Variants in TMEM217 observed in about 807,000 individuals in gnomAD.
TMEM217 encodes the protein transmembrane protein 217.
For missense variants in TMEM217, 204 were observed against 248.8 expected (o/e 0.82, Z 1.21); for synonymous variants, 76 against 88.3 (o/e 0.86, Z 0.78).
rs1765195992 is a variant in TMEM217, at chr6:37,248,099, A to G, written c.-12+9469T>C. Among the ~76,000 whole-genome samples the G allele has an allele frequency of 2.6e-5, 4 of 152,016 alleles. 1 individual carries two copies. The South Asian group carries it at 6.2e-4, about 24-fold the overall frequency. On this transcript the variant is annotated intron_variant, in intron 1 of 1. Transcript: ENST00000357219. Reference sequence around the variant, plus strand: ...CCTAGTAAAATCACACTCATCTTTCAAGGCCTTCCTCAGCTTCCCAATCAG... The same window carrying G: ...CCTAGTAAAATCACACTCATCTTTCGAGGCCTTCCTCAGCTTCCCAATCAG...
At chr6:37,251,693 G>A (rs1318584674) in intron 1 of TMEM217, among the ~76,000 whole-genome samples, 3 of 152,196 alleles carry the variant, frequency 2.0e-5, no homozygotes, top group Non-Finnish European at 4.4e-5. Flanking sequence ...TCAGGATCGT[G>A]GTTTCCACTG....
intron 1 of TMEM217, among the ~76,000 whole-genome samples, chr6:37,249,287 T>G (rs1474784023): frequency 6.6e-6 from 1 of 152,126 alleles, no homozygotes; most frequent in Non-Finnish European, 1.5e-5. Context: ...AAGGAAGAAA[T>G]GAATATTTCT....
intron 1 of TMEM217, among the ~76,000 whole-genome samples, chr6:37,229,291 A>T (rs1005122273): frequency 2.7e-5 from 4 of 148,498 alleles, no homozygotes; most frequent in Admixed American, 2.7e-4. Context: ...GTCGCTCTTC[A>T]ACAGGACTTT....
intron 1 of TMEM217, among the ~76,000 whole-genome samples, chr6:37,243,701 C>T (rs564263329): frequency 1.5e-4 from 23 of 152,238 alleles, no homozygotes; most frequent in Admixed American, 1.0e-3. Context: ...TGGGTTCAAG[C>T]GATTCTCCTG....
chr6:37,238,590 C>T (rs1237661905), intron 1 of TMEM217, among the ~76,000 whole-genome samples: 14 of 152,180 alleles, frequency 9.2e-5, no homozygotes, highest in Admixed American at 9.2e-4. Flanking sequence ...TCTAGGAAGA[C>T]TTTTGCCTTT....
chr6:37,215,152 C>A, downstream of TMEM217: 2 of 1,602,448 alleles, frequency 1.2e-6, no homozygotes, highest in Non-Finnish European at 1.7e-6. Context: ...TCCCTTTCTG[C>A]CGCTAGCCAA....
rs181005643 is a variant in TMEM217 at position 37,240,460 on chromosome 6, G to A, written c.-12+17108C>T. 2.7e-3 allele frequency among the ~76,000 whole-genome samples: 415 copies of A among 152,248 alleles called. 3 individuals are homozygous for A. Among genetic ancestry groups the A allele is most frequent in the African/African-American group, 9.6e-3 (397 of 41,526 alleles). On this transcript the variant is annotated intron_variant, in intron 1 of 1. Coordinates refer to ENST00000357219, the Ensembl canonical transcript of TMEM217. ...CTATAGTCCACTTGAATTTCCTCAT[G>A]ACATGGCCACTGGCTTCCCCCAGAG...
intron 1 of TMEM217, among the ~76,000 whole-genome samples, chr6:37,243,125 A>G (rs1764862276): frequency 6.6e-6 from 1 of 152,186 alleles, no homozygotes; most frequent in Non-Finnish European, 1.5e-5. Context: ...AGCCCCCTTA[A>G]AAAAGAATAT....
At chr6:37,234,520 G>T (rs1048044385) in intron 1 of TMEM217, among the ~76,000 whole-genome samples, 3 of 152,164 alleles carry the variant, frequency 2.0e-5, no homozygotes, top group African/African-American at 7.2e-5. Context: ...AGCCACTAGT[G>T]ATGATACAGT....
At chr6:37,226,596 C>T (rs866248462) in intron 1 of TMEM217, among the ~76,000 whole-genome samples, 2 of 148,622 alleles carry the variant, frequency 1.3e-5, no homozygotes, top group Non-Finnish European at 3.0e-5. Context: ...TGCGCCCGGC[C>T]GAGACAGAGT....
At chr6:37,245,994 G>A (rs372492935) in intron 1 of TMEM217, among the ~76,000 whole-genome samples, 1 of 151,924 alleles carries the variant, frequency 6.6e-6, no homozygotes, top group Admixed American at 6.6e-5. Flanking sequence ...TAGAGAAGGG[G>A]TTTCTCCATG....
chr6:37,225,574 T>C (rs890179907), intron 1 of TMEM217, among the ~76,000 whole-genome samples: 9 of 152,224 alleles, frequency 5.9e-5, no homozygotes, highest in African/African-American at 1.9e-4. Flanking sequence ...CCTTGCTGTG[T>C]TCATTGCCTC....
intron 1 of TMEM217, among the ~76,000 whole-genome samples, chr6:37,220,101 T>C (rs1254365890): frequency 6.6e-6 from 1 of 152,024 alleles, no homozygotes; most frequent in Non-Finnish European, 1.5e-5. Context: ...AGGAAGAAAA[T>C]AAATAGAAGC....
chr6:37,227,507 C>T (rs533543852), intron 1 of TMEM217, among the ~76,000 whole-genome samples: 3 of 152,068 alleles, frequency 2.0e-5, no homozygotes, highest in Admixed American at 6.6e-5. Context: ...AGTGTAGTGG[C>T]GCGATCTTGG....
At chr6:37,243,966 C>T (rs1015256052) in intron 1 of TMEM217, among the ~76,000 whole-genome samples, 11 of 152,164 alleles carry the variant, frequency 7.2e-5, no homozygotes, top group African/African-American at 2.7e-4. Flanking sequence ...TCTGAAAAGA[C>T]GTCTCAAAAG....
chr6:37,227,470 G>A (rs572484246), intron 1 of TMEM217, among the ~76,000 whole-genome samples: 12 of 151,972 alleles, frequency 7.9e-5, no homozygotes, highest in East Asian at 1.9e-4. Context: ...TGTTTGAGAC[G>A]GAGTCTCGCT....
At chr6:37,246,280 A>C (rs1765076351) in intron 1 of TMEM217, among the ~76,000 whole-genome samples, 1 of 152,058 alleles carries the variant, frequency 6.6e-6, no homozygotes, top group East Asian at 1.9e-4. Flanking sequence ...CTTCAGGCTG[A>C]AGGTTGCCTG....
chr6:37,212,973 A>G, downstream of TMEM217: 3 of 1,546,896 alleles, frequency 1.9e-6, no homozygotes, highest in Non-Finnish European at 2.6e-6. Flanking sequence ...CATTCATTTT[A>G]TACTTGTTTT....
intron 1 of TMEM217, among the ~76,000 whole-genome samples, chr6:37,239,017 C>T (rs1024197168): frequency 3.9e-5 from 6 of 152,128 alleles, no homozygotes; most frequent in Admixed American, 1.3e-4. Context: ...GTAATCCCAG[C>T]TACTAGGGAG....
Sources: gnomAD v4.1 joint callset for allele counts (sites outside exome capture counted in the v4.1 genomes callset) on GRCh38, gnomAD v4.1.1 for gene constraint, MANE v1.5 for transcripts, NCBI Gene and HGNC (gene_info 2026-07-23, HGNC 2026-07-21) for gene names.